TP63: variants seen among roughly 807,000 people sequenced by gnomAD.
TP63 encodes tumor protein p63.
Under a neutral mutation model 82.8 loss-of-function variants are expected in TP63, and 17 were observed. The ratio of observed to expected loss-of-function variants is 0.21; its 90% CI spans 0.14 to 0.31. TP63 has a LOEUF of 0.31. TP63 is among the 10% of genes least tolerant of loss of function. The pLI is 1.00. For synonymous variants in TP63, 330 were observed against 321.7 expected (o/e 1.03, Z -0.28); for missense variants, 648 against 895.3 (o/e 0.72, Z 3.52).
At chr3:189,724,335 T>C (rs926180965) in intron 1 of TP63, among the ~76,000 whole-genome samples, 1 of 152,212 alleles carries the variant, frequency 6.6e-6, no homozygotes, top group Non-Finnish European at 1.5e-5. Context: ...TAATAATGAT[T>C]TATTTTCATA....
intron 1 of TP63, among the ~76,000 whole-genome samples, chr3:189,636,226 C>T (rs1003070489): frequency 1.3e-5 from 2 of 152,124 alleles, no homozygotes; most frequent in East Asian, 1.9e-4. Flanking sequence ...TGCGTCTGAG[C>T]GGTGAGTGCA....
At chr3:189,831,527 G>T (rs930705618) in intron 4 of TP63, among the ~76,000 whole-genome samples, 11 of 151,466 alleles carry the variant, frequency 7.3e-5, no homozygotes, top group African/African-American at 2.7e-4. Context: ...TTGAGGATGA[G>T]GACACGGAAG....
At chr3:189,608,188 T>C in the TP63 span, among the ~76,000 whole-genome samples, 1 of 152,094 alleles carries the variant, frequency 6.6e-6, no homozygotes, top group African/African-American at 2.4e-5. Flanking sequence ...TGTGTTGGGG[T>C]AGATGGTGTG....
chr3:189,835,460 ATACT>A (rs1276853674), intron 4 of TP63, among the ~76,000 whole-genome samples: 1 of 152,172 alleles, frequency 6.6e-6, no homozygotes, highest in Non-Finnish European at 1.5e-5. Context: ...ATGAATAGAA[ATACT>A]TACCATGGTG....
At chr3:189,632,704 G>A (rs1236939063) in intron 1 of TP63, among the ~76,000 whole-genome samples, 5 of 152,098 alleles carry the variant, frequency 3.3e-5, no homozygotes, top group African/African-American at 1.2e-4. Context: ...GTTGGTGGTG[G>A]CTTGATTCGT....
chr3:189,751,210 A>G (rs138740242), intron 3 of TP63, among the ~76,000 whole-genome samples: 4,231 of 152,242 alleles, frequency 0.028, 76 homozygotes, highest in Admixed American at 0.051. Flanking sequence ...TTCTTAGTCC[A>G]GTCTATCATT....
At chr3:189,846,622 G>A (rs991215006) in intron 4 of TP63, among the ~76,000 whole-genome samples, 37 of 106,508 alleles carry the variant, frequency 3.5e-4, no homozygotes, top group African/African-American at 1.3e-3. Context: ...GTGTGTGTGT[G>A]TGTGTGTGTG....
rs528059950 is a variant in TP63 at position 189,765,914 on chromosome 3, C to T, written c.324+27140C>T. Among the ~76,000 whole-genome samples, 13 of 152,312 alleles carry T rather than the reference C, an allele frequency of 8.5e-5. No individual in the cohort carries two copies. In the South Asian group the frequency reaches 2.7e-3, roughly 32 times the overall value. ...AGCACGGAGTTGGGCTAGGTGAATACTCAGTGTTCTTATAGTCTGTAATGG... is the reference window on the plus strand; with the variant it reads ...AGCACGGAGTTGGGCTAGGTGAATATTCAGTGTTCTTATAGTCTGTAATGG... On this transcript the variant is annotated intron_variant, in intron 3 of 13. Transcript: ENST00000264731.
At chr3:189,664,386 A>C (rs1194953022) in intron 1 of TP63, among the ~76,000 whole-genome samples, 1 of 152,166 alleles carries the variant, frequency 6.6e-6, no homozygotes, top group African/African-American at 2.4e-5. Context: ...TCAAAATGAC[A>C]AACTTTAAAG....
At chr3:189,873,072 G>A (rs1718633462) in intron 10 of TP63, 77 bp downstream of exon 10, 5 of 1,601,858 alleles carry the variant, frequency 3.1e-6, no homozygotes, top group South Asian at 2.2e-5. Flanking sequence ...GGTGATTGAT[G>A]AGCAATGTGG....
At chr3:189,696,119 A>G (rs961652196) in intron 1 of TP63, among the ~76,000 whole-genome samples, 2 of 152,196 alleles carry the variant, frequency 1.3e-5, no homozygotes, top group Non-Finnish European at 2.9e-5. Context: ...GTCTTGATAA[A>G]CCCATAATGT....
chr3:189,785,341 G>A (rs747340401), intron 3 of TP63, among the ~76,000 whole-genome samples: 1 of 151,920 alleles, frequency 6.6e-6, no homozygotes, highest in Admixed American at 6.6e-5. Flanking sequence ...GATACTCACC[G>A]AGCTTTTGGA....
intron 1 of TP63, among the ~76,000 whole-genome samples, chr3:189,679,011 A>G (rs936681980): frequency 2.6e-5 from 4 of 152,016 alleles, no homozygotes; most frequent in Non-Finnish European, 5.9e-5. Context: ...TATCAAATCT[A>G]GGAGTCTTTT....
intron 1 of TP63, among the ~76,000 whole-genome samples, chr3:189,734,683 A>G (rs555075617): frequency 4.5e-4 from 69 of 152,280 alleles, no homozygotes; most frequent in African/African-American, 1.5e-3. Flanking sequence ...TCATCAAGAA[A>G]ATCGAAGTCA....
chr3:189,837,596 A>G (rs1408835470), intron 4 of TP63, among the ~76,000 whole-genome samples: 3 of 147,302 alleles, frequency 2.0e-5, no homozygotes, highest in South Asian at 2.2e-4. Flanking sequence ...CAAATAAACC[A>G]TGAAAAAATG....
intron 3 of TP63, among the ~76,000 whole-genome samples, chr3:189,804,032 T>G (rs1726604206): frequency 6.6e-6 from 1 of 152,140 alleles, no homozygotes; most frequent in South Asian, 2.1e-4. Context: ...CCTATTTCAT[T>G]TCAGATACGC....
At chr3:189,760,570 G>A (rs1403980578) in intron 3 of TP63, among the ~76,000 whole-genome samples, 3 of 152,164 alleles carry the variant, frequency 2.0e-5, no homozygotes, top group East Asian at 3.9e-4. Flanking sequence ...GGTTTTGCAG[G>A]GTATAGCTTC....
intron 4 of TP63, among the ~76,000 whole-genome samples, chr3:189,827,365 C>G (rs1711581609): frequency 6.6e-6 from 1 of 152,086 alleles, no homozygotes; most frequent in Non-Finnish European, 1.5e-5. Context: ...CCCACCAGCT[C>G]CCCCTTACAG....
intron 1 of TP63, among the ~76,000 whole-genome samples, chr3:189,653,611 A>G (rs1713079658): frequency 6.6e-6 from 1 of 152,164 alleles, no homozygotes; most frequent in Non-Finnish European, 1.5e-5. Context: ...TCTCTTTTCA[A>G]ATTTTAGTAC....
Sources: gnomAD v4.1 joint callset for allele counts (sites outside exome capture counted in the v4.1 genomes callset) on GRCh38, gnomAD v4.1.1 for gene constraint, MANE v1.5 for transcripts, NCBI Gene and HGNC (gene_info 2026-07-23, HGNC 2026-07-21) for gene names.